B4GALNT3: variants seen among roughly 807,000 people sequenced by gnomAD.
The protein encoded by B4GALNT3 is beta-1,4-N-acetyl-galactosaminyltransferase 3, also known as beta-1,4-N-acetylgalactosaminyltransferase 3.
A neutral mutation model predicts 120.2 loss-of-function variants in B4GALNT3; 86 were observed. That is an observed-to-expected ratio of 0.72 (90% CI 0.60 to 0.86). The LOEUF (loss-of-function observed/expected upper bound fraction) is 0.86. B4GALNT3 is among the 40% of genes least tolerant of loss of function. B4GALNT3 has a pLI of 0.00. For missense variants in B4GALNT3, 1,167 were observed against 1,298.9 expected, an observed-to-expected ratio of 0.90 and a Z score of 1.56; for synonymous variants, 518 against 510.4, an observed-to-expected ratio of 1.01 and a Z score of -0.20.
intron 1 of B4GALNT3, among the ~76,000 whole-genome samples, chr12:491,437 C>G (rs1460276948): frequency 6.6e-6 from 1 of 151,676 alleles, no homozygotes; most frequent in Non-Finnish European, 1.5e-5. Context: ...TCAAACAATC[C>G]TTGCTCTTTA....
intron 1 of B4GALNT3, among the ~76,000 whole-genome samples, chr12:487,279 C>CA (rs1247873455): frequency 6.6e-6 from 1 of 152,142 alleles, no homozygotes; most frequent in Non-Finnish European, 1.5e-5. Flanking sequence ...TAGCAACTGA[C>CA]AGTTTTCCCC....
At position 544,878 on chromosome 12, in the gene B4GALNT3, A is replaced by G. The variant is rs368646132; in HGVS notation, c.448-4A>G. 51 of 1,613,366 alleles carry G rather than the reference A, an allele frequency of 3.2e-5. No individual in the cohort carries two copies. The African/African-American group carries it at 6.7e-4, about 21-fold the overall frequency. ...AACTGTTTCCTTCCCCTTTCTTGGC[A>G]TAGATTCGCACAACCCTGAGGAAGC... On this transcript the variant is annotated splice_region_variant and splice_polypyrimidine_tract_variant and intron_variant, in intron 4 of 19. Transcript: ENST00000266383.
At chr12:555,213 C>A in intron 14 of B4GALNT3, 2 of 330,356 alleles carry the variant, frequency 6.1e-6, no homozygotes, top group East Asian at 1.9e-4. Context: ...AAAAAAGAAA[C>A]CGTATGTGTT....
chr12:511,784 A>G (rs1371582815), intron 1 of B4GALNT3, among the ~76,000 whole-genome samples: 1 of 45,270 alleles, frequency 2.2e-5, no homozygotes. Flanking sequence ...ACCTTCTTCC[A>G]CCTTCCACCT....
chr12:533,880 G>A (rs543648082), intron 1 of B4GALNT3, among the ~76,000 whole-genome samples: 4 of 152,136 alleles, frequency 2.6e-5, no homozygotes, highest in African/African-American at 4.8e-5. Context: ...AGAAACACTC[G>A]TGCATAGCGT....
intron 3 of B4GALNT3, among the ~76,000 whole-genome samples, chr12:539,606 A>G (rs139410032): frequency 5.3e-4 from 81 of 152,044 alleles, no homozygotes; most frequent in Non-Finnish European, 9.1e-4. Context: ...TCACCCATAC[A>G]CTTCGTTTAA....
chr12:536,249 ACAG>A lies in B4GALNT3; in HGVS notation c.310_312del (p.Ser104del). The A allele has an allele frequency of 6.2e-7, 1 of 1,614,174 alleles. No individual in the cohort carries two copies. On this transcript the variant is annotated inframe_deletion, in exon 3 of 20. Coordinates refer to ENST00000266383, the MANE Select transcript of B4GALNT3 (RefSeq NM_173593.4). ...GACATTGACCAAGGGGTGAGCAGTA[ACAG>A]CAGCTACTTGAAGTGGAACAAGCCT...
chr12:556,563 C>T lies in B4GALNT3; in HGVS notation c.2077C>T (p.Arg693Cys), dbSNP rs756686272. The change falls in exon 15 of 20, where the codon CGC (arginine) becomes TGC (cysteine). Residue 693 changes from arginine to cysteine, a missense_variant. Physicochemically the swap from Arg to Cys is radical, Grantham distance 180. Around this residue, in one of 3 missense-constraint regions of B4GALNT3, gnomAD observed 983 missense variants for 1,102.5 expected, o/e 0.89. Transcript: ENST00000266383. ...QRSRGRYQLQRIVNVEKRQDQ... is the reference protein window; with the variant it reads ...QRSRGRYQLQCIVNVEKRQDQ... Reference sequence around the variant, plus strand: ...CTGCCATAGGAGGTACCAGCTACAGCGCATTGTGAACGTGGAAAAGCGTCA... The same window carrying T: ...CTGCCATAGGAGGTACCAGCTACAGTGCATTGTGAACGTGGAAAAGCGTCA... The T allele has an allele frequency of 2.7e-5, 43 of 1,613,144 alleles. No individual in the cohort carries two copies. In the Middle Eastern group the frequency reaches 4.9e-4, roughly 19 times the overall value.
In B4GALNT3 at chr12:490,061, A is replaced by G. The variant is rs11063238; in HGVS notation, c.169+29516A>G. On this transcript the variant is annotated intron_variant, in intron 1 of 19. Transcript: ENST00000266383. ...AAGAGAAATGTAAAAATCTTGAACTAAATGAAAATATAACCTAAAATTTGT... is the reference window on the plus strand; with the variant it reads ...AAGAGAAATGTAAAAATCTTGAACTGAATGAAAATATAACCTAAAATTTGT... 2.3e-3 allele frequency among the ~76,000 whole-genome samples: 343 copies of G among 152,356 alleles called. 14 individuals carry two copies. The East Asian group carries it at 0.059, about 26-fold the overall frequency.
Position 548,091 on chromosome 12 carries a change from G to C in B4GALNT3, c.775G>C (p.Val259Leu). The C allele has an allele frequency of 6.2e-7, 1 of 1,613,906 alleles. No individual in the cohort carries two copies. Among genetic ancestry groups the C allele is most frequent in the Non-Finnish European group, 8.5e-7 (1 of 1,179,990 alleles). The change falls in exon 8 of 20, where the codon GTG becomes CTG. Residue 259 changes from valine to leucine, a missense_variant. Transcript: ENST00000266383. The surrounding 1 kb of genome is among the most constrained non-coding windows in gnomAD (Gnocchi z 4.9). ...HKQNEEGTDH[V>L]EVAWRRNDPG... ...GCAGAATGAGGAGGGCACCGACCAC[G>C]TGGAAGTTGCAGTGAGTTTCCTGCT...
chr12:489,354 A>G (rs1218931730), intron 1 of B4GALNT3, among the ~76,000 whole-genome samples: 2 of 151,844 alleles, frequency 1.3e-5, no homozygotes, highest in African/African-American at 4.8e-5. Flanking sequence ...CACAAAATAC[A>G]GAAAAAGAAA....
At chr12:559,514 G>A (rs557779702) in intron 19 of B4GALNT3, 93 bp downstream of exon 19, 30 of 1,552,430 alleles carry the variant, frequency 1.9e-5, no homozygotes, top group East Asian at 9.1e-5. Context: ...TGTCCCCCTC[G>A]GCCGCAGAGT....
chr12:502,555 A>T (rs1010817632), intron 1 of B4GALNT3, among the ~76,000 whole-genome samples: 5 of 69,866 alleles, frequency 7.2e-5, no homozygotes, highest in Non-Finnish European at 1.1e-4. Flanking sequence ...AAGGAGAAAC[A>T]GGCGGGTGAA....
chr12:505,083 A>G (rs7958078), intron 1 of B4GALNT3, among the ~76,000 whole-genome samples: 9,368 of 151,980 alleles, frequency 0.062, 945 homozygotes, highest in African/African-American at 0.21. Context: ...TAGTAGAGAC[A>G]GGGTTTCACC....
At chr12:501,294 A>G (rs10849119) in intron 1 of B4GALNT3, among the ~76,000 whole-genome samples, 33,143 of 152,112 alleles carry the variant, frequency 0.22, 4,781 homozygotes, top group African/African-American at 0.36. Context: ...TACTAAAACT[A>G]ATCTATTTGC....
rs1460466502 is a variant in B4GALNT3, at chr12:529,344, C to G, written c.170-5822C>G. On this transcript the variant is annotated intron_variant, in intron 1 of 19. Transcript: ENST00000266383. ...TGCTTTTGGTTGGGGTCGGGGTTAA[C>G]CCTTTAGCTCCCTGTCTACCCCCTT... Among the ~76,000 whole-genome samples, 9 of 152,304 alleles carry G rather than the reference C, an allele frequency of 5.9e-5. No homozygotes were observed. The South Asian group carries it at 1.7e-3, about 28-fold the overall frequency.
chr12:481,721 G>A (rs571913322), intron 1 of B4GALNT3, among the ~76,000 whole-genome samples: 1 of 152,146 alleles, frequency 6.6e-6, no homozygotes, highest in Non-Finnish European at 1.5e-5. Flanking sequence ...CTGGATGGCT[G>A]GGGGGAGTCT....
chr12:515,977 A>ACAC (rs1555155734), intron 1 of B4GALNT3, among the ~76,000 whole-genome samples: 3,551 of 151,652 alleles, frequency 0.023, 55 homozygotes, highest in Non-Finnish European at 0.038. Context: ...CTCTACTAAA[A>ACAC]ACACACACAC....
chr12:529,260 C>A (rs1162382951), intron 1 of B4GALNT3, among the ~76,000 whole-genome samples: 1 of 152,206 alleles, frequency 6.6e-6, no homozygotes, highest in Non-Finnish European at 1.5e-5. Context: ...ACTCTCAGCC[C>A]CACCTCTCCT....
Sources: gnomAD v4.1 joint callset for allele counts (sites outside exome capture counted in the v4.1 genomes callset) on GRCh38, gnomAD v4.1.1 for gene constraint, gnomAD v4.1.1 regional missense constraint, Gnocchi (gnomAD v3.1) non-coding constraint, MANE v1.5 for transcripts, NCBI Gene and HGNC (gene_info 2026-07-23, HGNC 2026-07-21) for gene names.